ZNF654: variants seen among roughly 807,000 people sequenced by gnomAD.
ZNF654 encodes the protein zinc finger protein 654, also known as melanoma-associated antigen.
A neutral mutation model predicts 95.3 loss-of-function variants in ZNF654; 19 were observed. The ratio of observed to expected loss-of-function variants is 0.20; its 90% CI spans 0.14 to 0.29. The LOEUF (loss-of-function observed/expected upper bound fraction) is 0.29, where lower values mean the gene tolerates loss of function less well. Among genes scored for constraint, ZNF654 ranks in the 10% least tolerant of loss-of-function variants. The pLI, the probability that ZNF654 is intolerant of heterozygous loss-of-function variation, is 1.00. For synonymous variants in ZNF654, 413 were observed against 457.9 expected (o/e 0.90, Z 1.25); for missense variants, 1,046 against 1,341.0 (o/e 0.78, Z 3.44).
At position 88,144,255 on chromosome 3, in the gene ZNF654, T is replaced by C. The variant is rs182937096; in HGVS notation, c.*2603T>C. ...TTTTTTGAAACCACCAATTATATAA[T>C]ACTTAAATAATTTATATCATTGAAC... On this transcript the variant is annotated 3_prime_UTR_variant, in exon 9 of 9. Coordinates refer to ENST00000636215, the MANE Select transcript of ZNF654 (RefSeq NM_001350134.2). The C allele has an allele frequency of 2.5e-3, 377 of 152,456 alleles. 1 individual carries two copies. Among genetic ancestry groups the C allele is most frequent in the African/African-American group, 8.8e-3 (364 of 41,550 alleles). The allele number at this position is 152,456 out of a possible 1,614,324, so 9.4% of individuals were successfully genotyped here. A position where few individuals can be genotyped will look rare whatever the true frequency, so the allele number is the denominator to read the frequency against.
At chr3:88,137,665 G>T (rs773226327) in intron 7 of ZNF654, among the ~76,000 whole-genome samples, 12 of 152,118 alleles carry the variant, frequency 7.9e-5, no homozygotes, top group Non-Finnish European at 1.6e-4. Flanking sequence ...GATAAGTGGG[G>T]AGAAAAACCT....
At chr3:88,075,400 T>G (rs1707744057) in intron 1 of ZNF654, among the ~76,000 whole-genome samples, 1 of 152,222 alleles carries the variant, frequency 6.6e-6, no homozygotes, top group Non-Finnish European at 1.5e-5. Context: ...CCTTGAAAGT[T>G]CTAGGCCTAT....
intron 1 of ZNF654, among the ~76,000 whole-genome samples, chr3:88,082,371 C>T (rs879255910): frequency 5.9e-5 from 9 of 152,280 alleles, no homozygotes; most frequent in East Asian, 1.9e-4. Flanking sequence ...GTGATCTGCC[C>T]GCCTTGGCCT....
chr3:88,059,850 C>T (rs1396694141), intron 1 of ZNF654, among the ~76,000 whole-genome samples: 4 of 152,144 alleles, frequency 2.6e-5, no homozygotes, highest in East Asian at 1.9e-4. Flanking sequence ...ATGTTTCCTA[C>T]CCTGGTCTTT....
At chr3:88,093,480 G>T (rs1703870792) in intron 2 of ZNF654, among the ~76,000 whole-genome samples, 1 of 152,162 alleles carries the variant, frequency 6.6e-6, no homozygotes, top group Non-Finnish European at 1.5e-5. Flanking sequence ...ACTGGAGGAG[G>T]AACTAGTTCA....
chr3:88,090,221 G>A lies in ZNF654; in HGVS notation c.332+3819G>A, dbSNP rs182507060. On this transcript the variant is annotated intron_variant, in intron 2 of 8. Coordinates refer to ENST00000636215, the MANE Select transcript of ZNF654 (RefSeq NM_001350134.2). The stretch of plus-strand genomic sequence containing the variant: ...TGAAGGCATTCCAGAAAAAGACATT[G>A]TTATCATATAAGGTAACAGCTTCAT... Among the ~76,000 whole-genome samples the A allele has an allele frequency of 2.2e-3, 331 of 152,232 alleles. 2 individuals carry two copies. Among genetic ancestry groups the A allele is most frequent in the South Asian group, 0.018 (87 of 4,822 alleles).
intron 2 of ZNF654, among the ~76,000 whole-genome samples, chr3:88,110,685 G>A (rs4303891): frequency 0.95 from 144,150 of 152,068 alleles, 68,772 homozygotes; most frequent in East Asian, 1. Flanking sequence ...GTTTTCTTCC[G>A]TAAGGAGAGC....
intron 1 of ZNF654, among the ~76,000 whole-genome samples, chr3:88,064,467 T>A (rs1291014410): frequency 6.6e-6 from 1 of 152,190 alleles, no homozygotes; most frequent in African/African-American, 2.4e-5. Flanking sequence ...ATTGTTTTGT[T>A]AGGGGAGGGA....
chr3:88,095,515 T>A (rs1704007447), intron 2 of ZNF654: 2 of 486,090 alleles, frequency 4.1e-6, no homozygotes, highest in Non-Finnish European at 8.2e-6. Context: ...CAGTTCACAT[T>A]AGCTTCTTTT....
At chr3:88,074,844 T>G (rs758621252) in intron 1 of ZNF654, among the ~76,000 whole-genome samples, 87 of 152,302 alleles carry the variant, frequency 5.7e-4, no homozygotes, top group Admixed American at 1.8e-3. Flanking sequence ...ACCAAGTGAA[T>G]TTTGGTTTAA....
At chr3:88,102,046 TA>T (rs1704456756) in intron 2 of ZNF654, among the ~76,000 whole-genome samples, 1 of 152,192 alleles carries the variant, frequency 6.6e-6, no homozygotes, top group African/African-American at 2.4e-5. Context: ...ATTCTGGATA[TA>T]CACTCTTTAT....
Position 88,113,753 on chromosome 3 carries a change from A to T in ZNF654, c.414+557A>T, listed in dbSNP as rs76670949. Among the ~76,000 whole-genome samples, 317 of 152,204 alleles carry T rather than the reference A, an allele frequency of 2.1e-3. 1 individual carries two copies. Among genetic ancestry groups the T allele is most frequent in the Non-Finnish European group, 3.1e-3 (209 of 68,006 alleles). On this transcript the variant is annotated intron_variant, in intron 3 of 8. Transcript: ENST00000636215. ...CACTCGGTGAAGTAAAGGAAGATGT[A>T]CTTTGAGCTCCCCCTAGGGGTGAAG... is the stretch of plus-strand genomic sequence containing the variant.
At chr3:88,071,984 T>A (rs1707542448) in intron 1 of ZNF654, among the ~76,000 whole-genome samples, 1 of 152,206 alleles carries the variant, frequency 6.6e-6, no homozygotes, top group South Asian at 2.1e-4. Context: ...CAGTACATAC[T>A]TTTTCTTACT....
At chr3:88,095,373 T>TATG in intron 2 of ZNF654, 1 of 314,748 alleles carries the variant, frequency 3.2e-6, no homozygotes, top group Admixed American at 4.7e-5. Flanking sequence ...GTGAATGTAT[T>TATG]ATGTACTAAG....
chr3:88,138,771 G>A lies in ZNF654; in HGVS notation c.1102G>A (p.Asp368Asn). ...CGCALQLDLHDDPKTKCLIYK... is the reference protein window; with the variant it reads ...CGCALQLDLHNDPKTKCLIYK... Reference sequence around the variant, plus strand: ...TTGTGCTCTACAACTCGACCTTCATGATGATCCCAAAACTAAATGTCTAAT... The same window carrying A: ...TTGTGCTCTACAACTCGACCTTCATAATGATCCCAAAACTAAATGTCTAAT... The change falls in exon 8 of 9, where the codon GAT becomes AAT. Residue 368 changes from aspartate (D) to asparagine (N), a missense_variant. Around this residue, in one of 9 missense-constraint regions of ZNF654, gnomAD observed 78 missense variants for 154.2 expected, o/e 0.51. Coordinates refer to ENST00000636215, the MANE Select transcript of ZNF654 (RefSeq NM_001350134.2). 1 of 1,231,994 alleles carries A rather than the reference G, an allele frequency of 8.1e-7. No homozygotes were observed. The highest frequency in any genetic ancestry group is 1.0e-6 in the Non-Finnish European group (1 of 987,880). The allele number at this position is 1,231,994 out of a possible 1,614,324, so 76.3% of individuals were successfully genotyped here. A position where few individuals can be genotyped will look rare whatever the true frequency, so the allele number is the denominator to read the frequency against.
At chr3:88,072,710 T>A (rs928982869) in intron 1 of ZNF654, among the ~76,000 whole-genome samples, 1 of 152,154 alleles carries the variant, frequency 6.6e-6, no homozygotes, top group Non-Finnish European at 1.5e-5. Context: ...TTAAAGGTAC[T>A]TAACACCATC....
At chr3:88,060,007 C>T (rs1314869023) in intron 1 of ZNF654, among the ~76,000 whole-genome samples, 1 of 151,860 alleles carries the variant, frequency 6.6e-6, no homozygotes, top group Non-Finnish European at 1.5e-5. Flanking sequence ...GGTCTCCTGT[C>T]ATCCCCTCAC....
chr3:88,068,767 C>T (rs1241937129), intron 1 of ZNF654, among the ~76,000 whole-genome samples: 1 of 152,116 alleles, frequency 6.6e-6, no homozygotes, highest in Non-Finnish European at 1.5e-5. Flanking sequence ...CCATTATTCT[C>T]ATTTTTATAG....
At chr3:88,130,562 C>T (rs1356842808) in intron 6 of ZNF654, among the ~76,000 whole-genome samples, 2 of 151,782 alleles carry the variant, frequency 1.3e-5, no homozygotes, top group Admixed American at 6.6e-5. Context: ...GTGATTTTCC[C>T]GCCTCAGCCT....
Sources: allele counts gnomAD v4.1 joint callset (sites outside exome capture counted in the v4.1 genomes callset), GRCh38; gene constraint gnomAD v4.1.1; regional missense constraint gnomAD v4.1.1; transcripts MANE v1.5; gene names NCBI Gene and HGNC (gene_info 2026-07-23, HGNC 2026-07-21).